The following SLC23A2 variants were observed in gnomAD, a reference collection of about 807,000 sequenced individuals.
SLC23A2 encodes solute carrier family 23 member 2, also known as Na(+)/L-ascorbic acid transporter 2.
In SLC23A2, 36 loss-of-function variants were observed where a neutral mutation model predicts 73.3. That is an observed-to-expected ratio of 0.49 (90% CI 0.38 to 0.65). The LOEUF is 0.65. Among genes scored for constraint, SLC23A2 ranks in the 30% least tolerant of loss-of-function variants. The pLI is 0.00. For missense variants in SLC23A2, 507 were observed against 841.6 expected, an observed-to-expected ratio of 0.60 and a Z score of 4.92; for synonymous variants, 343 against 327.3, an observed-to-expected ratio of 1.05 and a Z score of -0.52.
At chr20:4,874,849 A>G (rs979844788) in intron 9 of SLC23A2, among the ~76,000 whole-genome samples, 153 bp from the exon 10 acceptor site, 2 of 152,222 alleles carry the variant, frequency 1.3e-5, no homozygotes, top group Admixed American at 1.3e-4. Context: ...GAAATAGTAT[A>G]TCTATTGGAA....
At chr20:4,869,325 C>CAA (rs1930334471) in intron 12 of SLC23A2, among the ~76,000 whole-genome samples, 5 of 82,682 alleles carry the variant, frequency 6.0e-5, no homozygotes, top group African/African-American at 2.3e-4. Context: ...AAATTAAAAA[C>CAA]AAACAAACAA....
intron 2 of SLC23A2, among the ~76,000 whole-genome samples, chr20:4,939,784 G>A (rs966485290): frequency 8.5e-5 from 13 of 152,154 alleles, no homozygotes; most frequent in East Asian, 7.7e-4. Flanking sequence ...CAAGAATAAC[G>A]TTAAATACTT....
chr20:4,896,571 C>T (rs182263262), intron 6 of SLC23A2, among the ~76,000 whole-genome samples: 48 of 152,296 alleles, frequency 3.2e-4, no homozygotes, highest in African/African-American at 1.2e-3. Context: ...TTCCGTGCTG[C>T]TTCTCTTTCC....
intron 2 of SLC23A2, among the ~76,000 whole-genome samples, chr20:4,940,488 T>C (rs1018417244): frequency 2.7e-5 from 4 of 150,284 alleles, no homozygotes; most frequent in Middle Eastern, 3.4e-3. Flanking sequence ...CTGATGTACA[T>C]ATGATATGGC....
At chr20:4,859,711 A>T (rs1025483021) in intron 15 of SLC23A2, among the ~76,000 whole-genome samples, 3 of 140,438 alleles carry the variant, frequency 2.1e-5, no homozygotes, top group Non-Finnish European at 4.4e-5. Context: ...AATTCTAAAT[A>T]AAAAAAAATG....
intron 13 of SLC23A2, among the ~76,000 whole-genome samples, chr20:4,865,534 T>G (rs1189851103): frequency 6.6e-6 from 1 of 152,154 alleles, no homozygotes; most frequent in African/African-American, 2.4e-5. Flanking sequence ...CATTCAAATT[T>G]TAATAAAAGG....
chr20:4,963,796 T>C (rs6052992), intron 2 of SLC23A2, among the ~76,000 whole-genome samples: 61,023 of 151,932 alleles, frequency 0.4, 12,558 homozygotes, highest in Admixed American at 0.48. Flanking sequence ...TGCAGTGAGC[T>C]GAGATCGTGC....
Position 4,856,861 on chromosome 20 carries a change from G to A in SLC23A2, c.*111C>T. 1 of 719,150 alleles carries A rather than the reference G, an allele frequency of 1.4e-6. No homozygotes were observed. The highest frequency in any genetic ancestry group is 2.3e-5 in the Admixed American group (1 of 44,010). The allele number at this position is 719,150 out of a possible 1,614,324, so 44.5% of individuals were successfully genotyped here. A position where few individuals can be genotyped will look rare whatever the true frequency, so the allele number is the denominator to read the frequency against. On this transcript the variant is annotated 3_prime_UTR_variant, in exon 17 of 17. Transcript: ENST00000338244. The surrounding 1 kb of genome is among the most constrained non-coding windows in gnomAD (Gnocchi z 4.6). ...TGATTCGCAGTCTGTCTTAGCTCTG[G>A]GGCGCAGAATGTAAATGTAGATATA...
At chr20:4,934,892 C>T (rs972427029) in intron 2 of SLC23A2, among the ~76,000 whole-genome samples, 2 of 148,276 alleles carry the variant, frequency 1.3e-5, no homozygotes, top group Non-Finnish European at 3.0e-5. Context: ...AACTTCTTGT[C>T]AGAAAAAAAC....
rs183852418 is a variant in SLC23A2, at chr20:4,960,707, G to A, written c.-155+10086C>T. Among the ~76,000 whole-genome samples the A allele has an allele frequency of 3.9e-5, 6 of 152,236 alleles. No homozygotes were observed. The East Asian group carries it at 7.7e-4, about 20-fold the overall frequency. On this transcript the variant is annotated intron_variant, in intron 2 of 16. Coordinates refer to ENST00000338244, the MANE Select transcript of SLC23A2 (RefSeq NM_005116.6). ...GCATGTAACACAAAAGTAAAGACAC[G>A]GACTGTAAAGGTACCTCTGGGAAGA...
At chr20:4,989,405 T>C (rs1410240364) in intron 1 of SLC23A2, among the ~76,000 whole-genome samples, 3 of 152,232 alleles carry the variant, frequency 2.0e-5, no homozygotes, top group East Asian at 1.9e-4. Flanking sequence ...CATATATATA[T>C]AGTGAGATAT....
intron 6 of SLC23A2, among the ~76,000 whole-genome samples, chr20:4,895,427 T>C (rs1600108532): frequency 6.6e-6 from 1 of 152,318 alleles, no homozygotes; most frequent in East Asian, 1.9e-4. Context: ...CTATGATGGA[T>C]CTATCTAAGC....
intron 11 of SLC23A2, among the ~76,000 whole-genome samples, chr20:4,873,212 A>T (rs1291771215): frequency 6.6e-6 from 1 of 152,180 alleles, no homozygotes. Flanking sequence ...AAATGAAAAT[A>T]AGATGGTTAC....
intron 6 of SLC23A2, among the ~76,000 whole-genome samples, chr20:4,895,904 C>T (rs1006654693): frequency 7.9e-5 from 12 of 152,262 alleles, no homozygotes; most frequent in Admixed American, 2.0e-4. Flanking sequence ...ATGGGAACAG[C>T]GCATATGCTC....
At chr20:5,004,117 A>G (rs1424151012), upstream of SLC23A2, among the ~76,000 whole-genome samples, 2 of 152,128 alleles carry the variant, frequency 1.3e-5, no homozygotes, top group African/African-American at 4.8e-5. Flanking sequence ...TCCCTAGACA[A>G]GACAGACATC....
chr20:4,903,562 T>C (rs1424845526), intron 4 of SLC23A2, among the ~76,000 whole-genome samples: 2 of 152,208 alleles, frequency 1.3e-5, no homozygotes, highest in Non-Finnish European at 2.9e-5. Context: ...GCTGATTCCA[T>C]GTGTTCCACC....
At chr20:5,005,302 C>T, upstream of SLC23A2, among the ~76,000 whole-genome samples, 1 of 151,860 alleles carries the variant, frequency 6.6e-6, no homozygotes, top group South Asian at 2.2e-4. Flanking sequence ...CCATTATCAT[C>T]AATTAAAAAA....
At chr20:4,918,802 C>T (rs573642088) in intron 3 of SLC23A2, among the ~76,000 whole-genome samples, 28 of 152,242 alleles carry the variant, frequency 1.8e-4, no homozygotes, top group Admixed American at 9.8e-4. Context: ...CGTGTCTGGC[C>T]GCTAAGAGAA....
intron 1 of SLC23A2, among the ~76,000 whole-genome samples, chr20:4,988,630 G>A (rs1029230756): frequency 6.6e-6 from 1 of 151,950 alleles, no homozygotes; most frequent in African/African-American, 2.4e-5. Context: ...CGGCTACTCG[G>A]GAGGCTGAGG....
Sources: gnomAD v4.1 joint callset for allele counts (sites outside exome capture counted in the v4.1 genomes callset) on GRCh38, gnomAD v4.1.1 for gene constraint, Gnocchi (gnomAD v3.1) non-coding constraint, MANE v1.5 for transcripts, NCBI Gene and HGNC (gene_info 2026-07-23, HGNC 2026-07-21) for gene names.